Variants in NCAM1 observed in about 807,000 individuals in gnomAD.
The protein encoded by NCAM1 is neural cell adhesion molecule 1.
Under a neutral mutation model 109.8 loss-of-function variants are expected in NCAM1, and 14 were observed. That is an observed-to-expected ratio of 0.13 (90% CI 0.08 to 0.20). The LOEUF is 0.20. Ranked by LOEUF, NCAM1 falls within the 10% of genes least tolerant of loss-of-function variation. The pLI, the probability that NCAM1 is intolerant of heterozygous loss-of-function variation, is 1.00. For missense variants in NCAM1, 774 were observed against 1,109.9 expected (o/e 0.70, Z 4.30); for synonymous variants, 418 against 442.9 (o/e 0.94, Z 0.70).
At chr11:113,181,159 T>C (rs142843009) in intron 1 of NCAM1, among the ~76,000 whole-genome samples, 1 of 152,282 alleles carries the variant, frequency 6.6e-6, no homozygotes, top group Non-Finnish European at 1.5e-5. Context: ...CTTAGAGTAA[T>C]TTGCTACTGA....
At chr11:113,099,345 A>G (rs1438297873) in intron 1 of NCAM1, among the ~76,000 whole-genome samples, 1 of 152,136 alleles carries the variant, frequency 6.6e-6, no homozygotes, top group African/African-American at 2.4e-5. Flanking sequence ...GTACAGTGAT[A>G]TATTCATTGT....
chr11:113,100,573 T>G, intron 1 of NCAM1, among the ~76,000 whole-genome samples: 1 of 151,936 alleles, frequency 6.6e-6, no homozygotes, highest in East Asian at 1.9e-4. Context: ...GGGGATGGAG[T>G]GGGAAGATAA....
At chr11:113,205,330 G>T (rs1555112672) in intron 3 of NCAM1, among the ~76,000 whole-genome samples, 193 bp from the exon 4 acceptor site, 1 of 152,128 alleles carries the variant, frequency 6.6e-6, no homozygotes, top group African/African-American at 2.4e-5. Context: ...AGCAGATATT[G>T]GTTGCCAAGC....
intron 1 of NCAM1, among the ~76,000 whole-genome samples, chr11:113,015,040 C>G (rs782762271): frequency 3.3e-5 from 5 of 152,232 alleles, no homozygotes; most frequent in Admixed American, 6.5e-5. Context: ...GTCTCCACCC[C>G]CTCACCATTT....
rs1166375728 is a variant in NCAM1, at chr11:113,182,872, G to A, written c.53-19507G>A. Among the ~76,000 whole-genome samples, 11 of 152,192 alleles carry A rather than the reference G, an allele frequency of 7.2e-5. No individual in the cohort carries two copies. In the East Asian group the frequency reaches 2.1e-3, roughly 29 times the overall value. ...GGTGGCTTGGGACCTCTGATGTGCT[G>A]CCACCATCAGTGAAGATTGGCTCAG... On this transcript the variant is annotated intron_variant, in intron 1 of 19. Coordinates refer to ENST00000316851, the MANE Select transcript of NCAM1 (RefSeq NM_181351.5).
intron 1 of NCAM1, among the ~76,000 whole-genome samples, chr11:112,969,378 C>G (rs1950815955): frequency 6.6e-6 from 1 of 152,148 alleles, no homozygotes; most frequent in East Asian, 1.9e-4. Context: ...TGAATTTTAT[C>G]CTTTTCTAAG....
intron 1 of NCAM1, among the ~76,000 whole-genome samples, chr11:113,004,310 TG>T (rs1951835726): frequency 6.6e-6 from 1 of 152,064 alleles, no homozygotes; most frequent in Non-Finnish European, 1.5e-5. Context: ...CTGGCCAAGA[TG>T]GTGAAACCCT....
At chr11:112,980,610 T>C (rs1356583690) in intron 1 of NCAM1, among the ~76,000 whole-genome samples, 1 of 151,728 alleles carries the variant, frequency 6.6e-6, no homozygotes, top group Non-Finnish European at 1.5e-5. Context: ...ACCATGAAAG[T>C]TTATTTATTT....
chr11:113,044,443 G>A (rs782412284), intron 1 of NCAM1, among the ~76,000 whole-genome samples: 1 of 152,124 alleles, frequency 6.6e-6, no homozygotes, highest in Admixed American at 6.5e-5. Flanking sequence ...CCAGCACTTT[G>A]GGAGGCTGAG....
At chr11:113,000,851 C>A (rs1296439889) in intron 1 of NCAM1, among the ~76,000 whole-genome samples, 32 of 91,340 alleles carry the variant, frequency 3.5e-4, no homozygotes, top group East Asian at 1.1e-3. Flanking sequence ...TATATATACA[C>A]AAAAAATATA....
At chr11:113,057,315 G>A (rs1300554288) in intron 1 of NCAM1, among the ~76,000 whole-genome samples, 1 of 151,990 alleles carries the variant, frequency 6.6e-6, no homozygotes, top group Non-Finnish European at 1.5e-5. Context: ...TCTGGGAACT[G>A]CCAGCAATGA....
At chr11:113,032,707 G>C (rs1212005185) in intron 1 of NCAM1, among the ~76,000 whole-genome samples, 1 of 152,148 alleles carries the variant, frequency 6.6e-6, no homozygotes, top group Non-Finnish European at 1.5e-5. Flanking sequence ...GTCCCTTTGA[G>C]AAGTGTTCGA....
chr11:113,149,652 A>C (rs1201307990), intron 1 of NCAM1, among the ~76,000 whole-genome samples: 1 of 152,206 alleles, frequency 6.6e-6, no homozygotes, highest in Non-Finnish European at 1.5e-5. Context: ...ATAGTGAGGA[A>C]AAATTTATTT....
chr11:113,069,614 GA>G (rs1206805777), intron 1 of NCAM1, among the ~76,000 whole-genome samples: 9 of 152,136 alleles, frequency 5.9e-5, no homozygotes, highest in African/African-American at 2.2e-4. Context: ...TTGTGTTTAG[GA>G]AAAAGAGGCA....
intron 9 of NCAM1, among the ~76,000 whole-genome samples, chr11:113,223,676 G>A (rs1046088944): frequency 1.3e-5 from 2 of 152,172 alleles, no homozygotes; most frequent in Admixed American, 1.3e-4. Flanking sequence ...CCAAGTTTGT[G>A]TGTGGTGGCC....
At chr11:113,058,844 C>T (rs554777314) in intron 1 of NCAM1, among the ~76,000 whole-genome samples, 1 of 152,344 alleles carries the variant, frequency 6.6e-6, no homozygotes, top group Non-Finnish European at 1.5e-5. Context: ...ACGTTATATT[C>T]TCCTGACAGA....
intron 1 of NCAM1, among the ~76,000 whole-genome samples, chr11:113,117,306 TCAGA>T (rs1940754236): frequency 6.6e-6 from 1 of 151,978 alleles, no homozygotes; most frequent in East Asian, 1.9e-4. Flanking sequence ...GCAGGGGTCT[TCAGA>T]CAGTGTTCTA....
chr11:113,120,016 T>A (rs1274692984), intron 1 of NCAM1, among the ~76,000 whole-genome samples: 9 of 152,232 alleles, frequency 5.9e-5, no homozygotes, highest in Non-Finnish European at 8.8e-5. Flanking sequence ...CATTGAGTAC[T>A]CTAGCTGTTA....
At chr11:113,049,747 A>G (rs2135392589) in intron 1 of NCAM1, among the ~76,000 whole-genome samples, 1 of 152,280 alleles carries the variant, frequency 6.6e-6, no homozygotes, top group South Asian at 2.1e-4. Context: ...CCTTGTGCCA[A>G]TGTTCTCCTT....
Sources: allele counts gnomAD v4.1 joint callset (sites outside exome capture counted in the v4.1 genomes callset), GRCh38; gene constraint gnomAD v4.1.1; transcripts MANE v1.5; gene names NCBI Gene and HGNC (gene_info 2026-07-23, HGNC 2026-07-21).